The following CEP250 variants were observed in gnomAD, a reference collection of about 807,000 sequenced individuals.
CEP250 encodes the protein centrosome-associated protein CEP250.
In CEP250, 242 loss-of-function variants were observed where a neutral mutation model predicts 315.7. The observed-to-expected ratio is 0.77, with a 90% CI of 0.69 to 0.85. CEP250 has a LOEUF of 0.85. CEP250 is among the 40% of genes least tolerant of loss of function. CEP250 has a pLI of 0.00. For synonymous variants in CEP250, 1,088 were observed against 1,175.0 expected, an observed-to-expected ratio of 0.93 and a Z score of 1.51; for missense variants, 2,515 against 2,886.4, an observed-to-expected ratio of 0.87 and a Z score of 2.95.
chr20:35,476,266 A>G (rs1266466084), intron 15 of CEP250, 183 bp from the exon 16 acceptor site: 2 of 547,204 alleles, frequency 3.7e-6, no homozygotes, highest in Non-Finnish European at 6.5e-6. Context: ...GTATCTCTAT[A>G]CTGTGAGGTC....
chr20:35,509,818 T>C (rs2064303686), intron 33 of CEP250, among the ~76,000 whole-genome samples, 180 bp from the exon 34 acceptor site: 2 of 152,244 alleles, frequency 1.3e-5, no homozygotes, highest in Non-Finnish European at 2.9e-5. Context: ...TATGCTGGTG[T>C]GGGGCCTCTC....
At chr20:35,498,471 G>T (rs2063908656) in intron 26 of CEP250, 124 bp from the exon 27 acceptor site, 6 of 1,187,516 alleles carry the variant, frequency 5.1e-6, no homozygotes, top group Non-Finnish European at 6.0e-6. Flanking sequence ...TGAGTGAACT[G>T]CTGAGAAAGG....
chr20:35,504,539 G>A lies in CEP250; in HGVS notation c.6170G>A (p.Arg2057Gln), dbSNP rs749516825. The A allele has an allele frequency of 8.1e-6, 13 of 1,613,996 alleles. No individual in the cohort carries two copies. Among genetic ancestry groups the A allele is most frequent in the Middle Eastern group, 1.7e-4 (1 of 6,054 alleles). The change falls in exon 30 of 35, where the codon CGG becomes CAG. Residue 2057 changes from arginine (R) to glutamine (Q), a missense_variant. Coordinates refer to ENST00000397527, the MANE Select transcript of CEP250 (RefSeq NM_007186.6). ...RDEELRHQQE[R>Q]EQLLEKSLAQ... is the part of the protein sequence containing the mutation. ...GAAGAGCTGAGACATCAGCAGGAAC[G>A]GGAGCAGCTGCTGGAGAAGTCTCTG...
chr20:35,500,832 G>A (rs1188163272), intron 28 of CEP250, among the ~76,000 whole-genome samples: 1 of 152,224 alleles, frequency 6.6e-6, no homozygotes, highest in Non-Finnish European at 1.5e-5. Context: ...TGGAAGAAGA[G>A]ATTAGGAGGA....
chr20:35,484,687 G>A (rs1269456563), intron 20 of CEP250, among the ~76,000 whole-genome samples: 1 of 151,844 alleles, frequency 6.6e-6, no homozygotes, highest in East Asian at 1.9e-4. Context: ...GGGCTCAAGG[G>A]ATCCTCCTGT....
In CEP250 at chr20:35,498,645, C is replaced by G. The variant is rs2063915693; in HGVS notation, c.3706C>G (p.Leu1236Val). The change falls in exon 27 of 35, where the codon CTC (leucine) becomes GTC (valine). Residue 1236 changes from leucine to valine, a missense_variant. Transcript: ENST00000397527. ...TAAGAGAGGGCCCCTGCTGACTGCT[C>G]TCTCCGCTGAGGCAGTAGCATCTGC... ...LFKRGPLLTA[L>V]SAEAVASALH... is the part of the protein sequence containing the mutation. The G allele has an allele frequency of 6.2e-7, 1 of 1,608,584 alleles. No homozygotes were observed. Among genetic ancestry groups the G allele is most frequent in the African/African-American group, 1.3e-5 (1 of 74,410 alleles).
At position 35,511,612 on chromosome 20, in the gene CEP250, G is replaced by A. The variant is rs755522700; in HGVS notation, c.7315G>A (p.Ala2439Thr). The part of the protein sequence containing the change: ...LLHPSPSTTQ[A>T]ASR ...ACACCCCAGCCCCAGCACTACCCAA[G>A]CCGCCTCCAGGTAGCAGCCACAGCC... Residue 2439 changes from alanine to threonine, a missense_variant, in exon 35 of 35, where the codon GCC becomes ACC. Transcript: ENST00000397527. 3.1e-6 allele frequency: 5 copies of A among 1,609,610 alleles called. No homozygotes were observed. The highest frequency in any genetic ancestry group is 4.2e-6 in the Non-Finnish European group (5 of 1,177,350).
rs189625322 is a variant in CEP250, at chr20:35,478,528, G to A, written c.2094+427G>A. Among the ~76,000 whole-genome samples, 204 of 152,264 alleles carry A rather than the reference G, an allele frequency of 1.3e-3. 1 individual carries two copies. Among genetic ancestry groups the A allele is most frequent in the African/African-American group, 3.5e-3 (147 of 41,550 alleles). ...TGCAGTGAGCCGAGATTGCGCCACTGCACTCCAACCTGGATGACAGAGCGA... is the reference window on the plus strand; with the variant it reads ...TGCAGTGAGCCGAGATTGCGCCACTACACTCCAACCTGGATGACAGAGCGA... On this transcript the variant is annotated intron_variant, in intron 17 of 34. Coordinates refer to ENST00000397527, the MANE Select transcript of CEP250 (RefSeq NM_007186.6).
intron 17 of CEP250, 141 bp downstream of exon 17, chr20:35,478,242 C>G: frequency 4.6e-6 from 3 of 658,282 alleles, no homozygotes; most frequent in Non-Finnish European, 7.9e-6. Flanking sequence ...TGCAGTATAT[C>G]TTCCAATTTT....
intron 15 of CEP250, 96 bp downstream of exon 15, chr20:35,475,742 T>G: frequency 1.5e-6 from 2 of 1,311,434 alleles, no homozygotes; most frequent in East Asian, 4.6e-5. Flanking sequence ...CCAGGATCCC[T>G]CATCTTTCCT....
intron 34 of CEP250, among the ~76,000 whole-genome samples, chr20:35,510,709 G>A (rs1601328963): frequency 1.3e-5 from 2 of 152,182 alleles, no homozygotes; most frequent in East Asian, 3.9e-4. Flanking sequence ...TTATTAAAAA[G>A]TCAAAGCAGG....
intron 34 of CEP250, among the ~76,000 whole-genome samples, chr20:35,511,061 AT>A (rs1347321624): frequency 1.3e-5 from 2 of 152,194 alleles, no homozygotes; most frequent in Non-Finnish European, 2.9e-5. Context: ...CAAAATGTAC[AT>A]TTAAAACTGG....
At chr20:35,486,518 T>C (rs2063519404) in intron 20 of CEP250, among the ~76,000 whole-genome samples, 1 of 151,990 alleles carries the variant, frequency 6.6e-6, no homozygotes, top group South Asian at 2.1e-4. Flanking sequence ...GCTGGGATTA[T>C]AGGTATGAAC....
intron 20 of CEP250, among the ~76,000 whole-genome samples, chr20:35,482,048 A>AATAAATAG (rs2063360034): frequency 6.8e-6 from 1 of 146,112 alleles, no homozygotes; most frequent in East Asian, 2.0e-4. Context: ...AGGCTTAAAA[A>AATAAATAG]ATAGATAGAT....
At chr20:35,477,783 T>G in intron 16 of CEP250, 88 bp from the exon 17 acceptor site, 1 of 1,023,376 alleles carries the variant, frequency 9.8e-7, no homozygotes, top group Non-Finnish European at 1.5e-6. Context: ...TAGATTCATA[T>G]CTCACTTGGA....
At chr20:35,473,840 C>A (rs375861569) in intron 13 of CEP250, 30 bp from the exon 14 acceptor site, 3 of 1,585,606 alleles carry the variant, frequency 1.9e-6, no homozygotes, top group African/African-American at 2.7e-5. Context: ...GTCCTATGGT[C>A]TCTGCTCATC....
At chr20:35,509,928 G>GC in intron 33 of CEP250, 70 bp from the exon 34 acceptor site, 1 of 1,418,918 alleles carries the variant, frequency 7.0e-7, no homozygotes, top group African/African-American at 1.4e-5. Flanking sequence ...ATGAGGTTCT[G>GC]CAAGGAAACT....
chr20:35,510,593 C>T (rs1322155360), intron 34 of CEP250, among the ~76,000 whole-genome samples: 1 of 152,252 alleles, frequency 6.6e-6, no homozygotes, highest in African/African-American at 2.4e-5. Context: ...CTTTTTATTT[C>T]TGAGCCTATT....
intron 5 of CEP250, among the ~76,000 whole-genome samples, chr20:35,465,048 C>T (rs2062840771): frequency 6.6e-6 from 1 of 152,198 alleles, no homozygotes; most frequent in Non-Finnish European, 1.5e-5. Context: ...TGTCTCTTAA[C>T]CTGCACAGCA....
Sources: allele counts gnomAD v4.1 joint callset (sites outside exome capture counted in the v4.1 genomes callset), GRCh38; gene constraint gnomAD v4.1.1; transcripts MANE v1.5; gene names NCBI Gene and HGNC (gene_info 2026-07-23, HGNC 2026-07-21).